The following NTN1 variants were observed in gnomAD, a reference collection of about 807,000 sequenced individuals.
The protein encoded by NTN1 is netrin 1, also known as netrin-1.
Under a neutral mutation model 54.2 loss-of-function variants are expected in NTN1, and 11 were observed. The ratio of observed to expected loss-of-function variants is 0.20; its 90% CI spans 0.13 to 0.34. NTN1 has a LOEUF of 0.34. NTN1 is among the 10% of genes least tolerant of loss of function. The pLI is 1.00. For missense variants in NTN1, 740 were observed against 893.1 expected (o/e 0.83, Z 2.18); for synonymous variants, 371 against 382.0 (o/e 0.97, Z 0.33).
rs190829160 is a variant in NTN1, at chr17:9,201,877, A to T, written c.1411+18908A>T. ...CCGTGTCTGGGGAGTTCTTGGAGGG[A>T]GAAGAGATGGTTAAGAAATAAAAGA... On this transcript the variant is annotated intron_variant, in intron 5 of 6. Coordinates refer to ENST00000173229, the MANE Select transcript of NTN1 (RefSeq NM_004822.3). 3.0e-3 allele frequency among the ~76,000 whole-genome samples: 448 copies of T among 151,772 alleles called. 4 individuals carry two copies. Among genetic ancestry groups the T allele is most frequent in the African/African-American group, 0.01 (423 of 41,336 alleles).
In NTN1 at chr17:9,085,185, C is replaced by T. The variant is rs370908208; in HGVS notation, c.1018+61794C>T. 1.8e-4 allele frequency among the ~76,000 whole-genome samples: 27 copies of T among 152,240 alleles called. No homozygotes were observed. In the South Asian group the frequency reaches 2.7e-3, roughly 15 times the overall value. On this transcript the variant is annotated intron_variant, in intron 2 of 6. Transcript: ENST00000173229. ...ACTTCGTGGCTGGGTGGTGGGGATG[C>T]GTGGGGTAAGTAGGCAGTGCTGTCC...
intron 2 of NTN1, among the ~76,000 whole-genome samples, chr17:9,046,261 T>C (rs1008952175): frequency 1.3e-5 from 2 of 152,142 alleles, no homozygotes; most frequent in Admixed American, 6.5e-5. Context: ...CCACAGAAGA[T>C]ACACAAATGG....
At chr17:9,187,112 A>G (rs1401647999) in intron 5 of NTN1, among the ~76,000 whole-genome samples, 2 of 152,144 alleles carry the variant, frequency 1.3e-5, no homozygotes, top group African/African-American at 4.8e-5. Context: ...AAAGTTCTTG[A>G]TTAAAAAAAC....
chr17:9,160,475 C>T (rs992599029), intron 2 of NTN1, among the ~76,000 whole-genome samples: 5 of 151,956 alleles, frequency 3.3e-5, no homozygotes, highest in Admixed American at 3.3e-4. Flanking sequence ...GAAAAAAAAC[C>T]CCCACAAAAC....
chr17:9,009,858 C>T, the NTN1 span, among the ~76,000 whole-genome samples: 14 of 152,264 alleles, frequency 9.2e-5, no homozygotes, highest in Admixed American at 3.9e-4. Context: ...GCCCCCAACC[C>T]GTTTTGATGA....
chr17:9,094,423 A>G (rs908558946), intron 2 of NTN1, among the ~76,000 whole-genome samples: 22 of 152,132 alleles, frequency 1.4e-4, no homozygotes, highest in African/African-American at 5.1e-4. Flanking sequence ...GTGTATACAT[A>G]TATATGTACA....
chr17:9,154,519 G>A (rs943154254), intron 2 of NTN1, among the ~76,000 whole-genome samples: 1 of 152,158 alleles, frequency 6.6e-6, no homozygotes, highest in Admixed American at 6.5e-5. Context: ...TCCTGCCTCG[G>A]CCCCTTTCCC....
At chr17:9,058,542 A>G (rs2091986117) in intron 2 of NTN1, among the ~76,000 whole-genome samples, 1 of 150,704 alleles carries the variant, frequency 6.6e-6, no homozygotes, top group South Asian at 2.1e-4. Context: ...TCTTATCCAT[A>G]AAGTGGGGAT....
intron 6 of NTN1, among the ~76,000 whole-genome samples, chr17:9,236,606 G>A (rs532183493): frequency 6.6e-5 from 10 of 152,278 alleles, no homozygotes; most frequent in Non-Finnish European, 1.3e-4. Flanking sequence ...CTGCCCCTGC[G>A]GCCAGGACAG....
intron 2 of NTN1, among the ~76,000 whole-genome samples, chr17:9,152,074 T>G (rs748868953): frequency 1.3e-5 from 2 of 152,114 alleles, no homozygotes; most frequent in African/African-American, 4.8e-5. Context: ...TGAGTGGCAA[T>G]CCACTCGGGT....
chr17:9,220,392 T>TTGTGG (rs1215178460), intron 5 of NTN1, among the ~76,000 whole-genome samples: 1 of 152,202 alleles, frequency 6.6e-6, no homozygotes, highest in Non-Finnish European at 1.5e-5. Context: ...GGCGAAGGAA[T>TTGTGG]TGTGTCTCCT....
At chr17:9,121,419 C>G (rs1400775458) in intron 2 of NTN1, among the ~76,000 whole-genome samples, 1 of 152,164 alleles carries the variant, frequency 6.6e-6, no homozygotes, top group African/African-American at 2.4e-5. Flanking sequence ...CTTCTCTGTT[C>G]ATCCGTGCCT....
intron 2 of NTN1, among the ~76,000 whole-genome samples, chr17:9,153,238 G>A (rs60177412): frequency 0.012 from 1,814 of 152,128 alleles, 37 homozygotes; most frequent in African/African-American, 0.041. Context: ...CCTAAGGTCA[G>A]GAGTTTGAGA....
intron 2 of NTN1, among the ~76,000 whole-genome samples, chr17:9,101,982 G>A (rs980554091): frequency 3.9e-5 from 6 of 152,138 alleles, no homozygotes; most frequent in Admixed American, 1.3e-4. Context: ...GGCAACGAGA[G>A]AGACTGTATC....
At chr17:9,080,816 G>A (rs1236782637) in intron 2 of NTN1, among the ~76,000 whole-genome samples, 1 of 152,218 alleles carries the variant, frequency 6.6e-6, no homozygotes, top group African/African-American at 2.4e-5. Flanking sequence ...GACAGCGTTT[G>A]GAGAGCTTCT....
chr17:9,210,319 A>G (rs1905066470), intron 5 of NTN1, among the ~76,000 whole-genome samples: 1 of 151,886 alleles, frequency 6.6e-6, no homozygotes, highest in Non-Finnish European at 1.5e-5. Flanking sequence ...GTCTACAGCC[A>G]CCCTGGCTAT....
rs1177546893 is a variant in NTN1 at position 9,199,380 on chromosome 17, G to T, written c.1411+16411G>T. On this transcript the variant is annotated intron_variant, in intron 5 of 6. Transcript: ENST00000173229. ...TGGTCTTGAAGTCCTGACCTCAAAT[G>T]ATCCACCCACCTCAGCCTCCCAAAG... Among the ~76,000 whole-genome samples the T allele has an allele frequency of 4.6e-5, 7 of 152,172 alleles. No homozygotes were observed. In the East Asian group the frequency reaches 1.3e-3, roughly 29 times the overall value.
chr17:9,123,875 A>G (rs888168749), intron 2 of NTN1, among the ~76,000 whole-genome samples: 1 of 152,194 alleles, frequency 6.6e-6, no homozygotes, highest in Non-Finnish European at 1.5e-5. Context: ...ACACCATGAA[A>G]AATGTGAAGG....
chr17:9,057,316 G>C (rs1055472488), intron 2 of NTN1, among the ~76,000 whole-genome samples: 1 of 152,108 alleles, frequency 6.6e-6, no homozygotes, highest in Non-Finnish European at 1.5e-5. Flanking sequence ...CTGGCAATTG[G>C]GGTATGTTGG....
Sources: gnomAD v4.1 joint callset for allele counts (sites outside exome capture counted in the v4.1 genomes callset) on GRCh38, gnomAD v4.1.1 for gene constraint, MANE v1.5 for transcripts, NCBI Gene and HGNC (gene_info 2026-07-23, HGNC 2026-07-21) for gene names.